The following DLC1 variants were observed in gnomAD, a reference collection of about 807,000 sequenced individuals.
DLC1 encodes the protein rho GTPase-activating protein 7.
In DLC1, 54 loss-of-function variants were observed where a neutral mutation model predicts 140.3. That is an observed-to-expected ratio of 0.38 (90% confidence interval 0.31 to 0.48). The LOEUF is 0.48. Ranked by LOEUF, DLC1 falls within the 20% of genes least tolerant of loss-of-function variation. DLC1 has a pLI of 0.96. For synonymous variants in DLC1, 986 were observed against 728.1 expected (o/e 1.35, Z -5.70); for missense variants, 2,536 against 1,907.0 (o/e 1.33, Z -6.14).
Position 13,166,024 on chromosome 8 carries a change from A to T in DLC1, c.1349-50367T>A, listed in dbSNP as rs559708452. ...GCCAGAGGGACTGGAAAGAGGTTGT[A>T]TTTCCACATCTTAAAGTATATGGCC... On this transcript the variant is annotated intron_variant, in intron 5 of 17. Transcript: ENST00000276297. Among the ~76,000 whole-genome samples, 8 of 152,290 alleles carry T rather than the reference A, an allele frequency of 5.3e-5. No homozygotes were observed. In the South Asian group the frequency reaches 1.7e-3, roughly 32 times the overall value.
At chr8:13,211,215 T>A (rs1415972668) in intron 5 of DLC1, among the ~76,000 whole-genome samples, 5 of 152,186 alleles carry the variant, frequency 3.3e-5, no homozygotes, top group Non-Finnish European at 7.4e-5. Flanking sequence ...CCAGGAAGTT[T>A]GTGAATAATA....
chr8:13,098,370 G>A (rs777891300), intron 10 of DLC1, 29 bp downstream of exon 10: 18 of 1,609,348 alleles, frequency 1.1e-5, no homozygotes, highest in East Asian at 2.2e-5. Flanking sequence ...CATTTTCAAC[G>A]ACAGTTGACT....
intron 2 of DLC1, among the ~76,000 whole-genome samples, chr8:13,440,098 T>C (rs1798433550): frequency 6.6e-6 from 1 of 152,224 alleles, no homozygotes; most frequent in Non-Finnish European, 1.5e-5. Context: ...GTTTCTTTAC[T>C]GCAGGATTTT....
chr8:13,393,221 G>A (rs1836847965), intron 4 of DLC1, among the ~76,000 whole-genome samples: 2 of 151,954 alleles, frequency 1.3e-5, no homozygotes, highest in South Asian at 2.1e-4. Context: ...TAACTGGTAA[G>A]CAATACTGTC....
At chr8:13,324,935 A>G (rs1479884143) in intron 4 of DLC1, among the ~76,000 whole-genome samples, 1 of 152,176 alleles carries the variant, frequency 6.6e-6, no homozygotes, top group Non-Finnish European at 1.5e-5. Context: ...ATACTGTGCA[A>G]AAATCATGTA....
intron 5 of DLC1, among the ~76,000 whole-genome samples, chr8:13,120,731 T>G (rs570564662): frequency 6.6e-6 from 1 of 152,246 alleles, no homozygotes; most frequent in African/African-American, 2.4e-5. Context: ...TGGAAACAGC[T>G]TTAGTCAAAG....
At chr8:13,465,025 C>A (rs541153165) in intron 2 of DLC1, among the ~76,000 whole-genome samples, 1 of 151,974 alleles carries the variant, frequency 6.6e-6, no homozygotes, top group Non-Finnish European at 1.5e-5. Flanking sequence ...TGCCACCATG[C>A]ATAGCTCCCT....
chr8:13,333,628 A>T (rs1671363), intron 4 of DLC1, among the ~76,000 whole-genome samples: 130,225 of 152,130 alleles, frequency 0.86, 56,159 homozygotes, highest in East Asian at 0.95. Context: ...TCCTGCTTGT[A>T]ACAGAACTAC....
At chr8:13,578,681 T>G (rs2117435349) in intron 1 of DLC1, among the ~76,000 whole-genome samples, 1 of 152,296 alleles carries the variant, frequency 6.6e-6, no homozygotes, top group Non-Finnish European at 1.5e-5. Context: ...TTTGCTGGTT[T>G]ATTATAAAGG....
In DLC1 at chr8:13,440,535, C is replaced by CT. The variant is rs796853311; in HGVS notation, c.1024-38917dup. 1.1e-3 allele frequency among the ~76,000 whole-genome samples: 163 copies of CT among 146,182 alleles called. 1 individual carries two copies. Among genetic ancestry groups the CT allele is most frequent in the Middle Eastern group, 3.6e-3 (1 of 276 alleles). ...GGTAAAGATATGAAGATATTTTGCT[C>CT]TTTTTTTTTTTCTGAGATGAAACAT... On this transcript the variant is annotated intron_variant, in intron 2 of 17. Transcript: ENST00000276297.
intron 5 of DLC1, among the ~76,000 whole-genome samples, chr8:13,277,770 C>G (rs1300578832): frequency 6.6e-6 from 1 of 152,088 alleles, no homozygotes; most frequent in Non-Finnish European, 1.5e-5. Context: ...CATAAGACAT[C>G]TAAAGGCCAG....
chr8:13,139,025 C>T (rs1267260846), intron 5 of DLC1, among the ~76,000 whole-genome samples: 1 of 151,996 alleles, frequency 6.6e-6, no homozygotes, highest in Non-Finnish European at 1.5e-5. Flanking sequence ...TAGTTCATGC[C>T]TGTAATCCCA....
intron 5 of DLC1, among the ~76,000 whole-genome samples, chr8:13,154,406 G>A (rs1585788253): frequency 6.6e-6 from 1 of 152,308 alleles, no homozygotes; most frequent in African/African-American, 2.4e-5. Flanking sequence ...CAGTGCTGGG[G>A]GACCCGGCGC....
intron 2 of DLC1, among the ~76,000 whole-genome samples, chr8:13,453,419 T>TTTTTTTTTTTTTTTTTTCAG (rs1799181471): frequency 2.1e-5 from 1 of 46,762 alleles, no homozygotes; most frequent in African/African-American, 1.4e-4. Flanking sequence ...TATATATATA[T>TTTTTTTTTTTTTTTTTTCAG]ATATGTGTAT....
chr8:13,122,563 C>T (rs921471705), intron 5 of DLC1, among the ~76,000 whole-genome samples: 1 of 152,094 alleles, frequency 6.6e-6, no homozygotes, highest in South Asian at 2.1e-4. Context: ...GAATCTCTTA[C>T]TCTTTGCAAT....
chr8:13,373,071 C>T (rs1324987501), intron 4 of DLC1, among the ~76,000 whole-genome samples: 5 of 151,914 alleles, frequency 3.3e-5, no homozygotes, highest in Admixed American at 6.6e-5. Flanking sequence ...ACTAGAGTGC[C>T]GTGGTGCGAT....
At chr8:13,375,029 T>C (rs7829398) in intron 4 of DLC1, among the ~76,000 whole-genome samples, 1,905 of 70,694 alleles carry the variant, frequency 0.027, 96 homozygotes, top group Admixed American at 0.14. Context: ...TGCTTGTGAT[T>C]TTTTTTTTTT....
chr8:13,201,404 A>C (rs949006084), intron 5 of DLC1, among the ~76,000 whole-genome samples: 2 of 152,236 alleles, frequency 1.3e-5, no homozygotes, highest in Admixed American at 6.5e-5. Context: ...AAAAAGCATA[A>C]GAACAAATAC....
intron 16 of DLC1, among the ~76,000 whole-genome samples, chr8:13,087,219 T>C (rs981188124): frequency 1.3e-5 from 2 of 152,152 alleles, no homozygotes; most frequent in African/African-American, 2.4e-5. Context: ...CTGGACAATA[T>C]GGTGACACCA....
Sources: gnomAD v4.1 joint callset for allele counts (sites outside exome capture counted in the v4.1 genomes callset) on GRCh38, gnomAD v4.1.1 for gene constraint, MANE v1.5 for transcripts, NCBI Gene and HGNC (gene_info 2026-07-23, HGNC 2026-07-21) for gene names.